MARCHF1: variants seen among roughly 807,000 people sequenced by gnomAD.
MARCHF1 encodes membrane associated ring-CH-type finger 1.
MARCHF1 carries 40 observed loss-of-function variants against 54.2 expected under a neutral mutation model. The observed-to-expected ratio is 0.74, with a 90% CI of 0.57 to 0.96. The LOEUF (loss-of-function observed/expected upper bound fraction) is 0.96. MARCHF1 is among the 40% of genes least tolerant of loss of function. The probability of loss-of-function intolerance (pLI) is 0.00; values close to 1 mark genes in which losing one functional copy is unlikely to be tolerated. For synonymous variants in MARCHF1, 236 were observed against 236.3 expected (o/e 1.00, Z 0.01); for missense variants, 586 against 656.5 (o/e 0.89, Z 1.17).
chr4:164,297,225 GA>G (rs2111383711), intron 1 of MARCHF1, among the ~76,000 whole-genome samples: 1 of 152,222 alleles, frequency 6.6e-6, no homozygotes, highest in Admixed American at 6.5e-5. Flanking sequence ...AATGGAGATG[GA>G]GCCTCGAATG....
intron 8 of MARCHF1, among the ~76,000 whole-genome samples, chr4:163,562,874 T>A (rs896896180): frequency 6.6e-6 from 1 of 152,202 alleles, no homozygotes; most frequent in African/African-American, 2.4e-5. Flanking sequence ...AACCACTTTC[T>A]CCAGCGCATC....
intron 1 of MARCHF1, among the ~76,000 whole-genome samples, chr4:164,158,193 A>G (rs1273813267): frequency 4.6e-5 from 7 of 152,194 alleles, no homozygotes; most frequent in Admixed American, 4.6e-4. Flanking sequence ...TAATTAGCTA[A>G]AAAAGACTCT....
chr4:164,166,316 T>C (rs1303960690), intron 1 of MARCHF1, among the ~76,000 whole-genome samples: 1 of 151,962 alleles, frequency 6.6e-6, no homozygotes, highest in African/African-American at 2.4e-5. Context: ...TCCATCAAAG[T>C]CCAAATGAAG....
At chr4:163,571,618 T>A (rs192228784) in intron 8 of MARCHF1, among the ~76,000 whole-genome samples, 14 of 152,258 alleles carry the variant, frequency 9.2e-5, no homozygotes, top group Admixed American at 8.5e-4. Context: ...TGTTTATTGA[T>A]AAAAATACTC....
At chr4:163,602,083 T>A (rs563992830) in intron 7 of MARCHF1, among the ~76,000 whole-genome samples, 3 of 152,180 alleles carry the variant, frequency 2.0e-5, no homozygotes, top group South Asian at 4.1e-4. Context: ...TACAATTTTT[T>A]AAAATTATTT....
At position 163,724,391 on chromosome 4, in the gene MARCHF1, C is replaced by T. The variant is rs191964848; in HGVS notation, c.112-23528G>A. Among the ~76,000 whole-genome samples, 499 of 152,292 alleles carry T rather than the reference C, an allele frequency of 3.3e-3. 4 individuals are homozygous for T. The highest frequency in any genetic ancestry group is 0.012 in the African/African-American group (483 of 41,560). On this transcript the variant is annotated intron_variant, in intron 4 of 9. Coordinates refer to ENST00000514618, the MANE Select transcript of MARCHF1 (RefSeq NM_001394959.1). ...GGAAGCTTCGTCTCAGAGGGGGACCCGGCTGTGTGAGGTGTCAGTCTGCCC... is the reference window on the plus strand; with the variant it reads ...GGAAGCTTCGTCTCAGAGGGGGACCTGGCTGTGTGAGGTGTCAGTCTGCCC...
intron 1 of MARCHF1, among the ~76,000 whole-genome samples, chr4:164,257,049 T>C (rs1329325706): frequency 6.6e-6 from 1 of 152,172 alleles, no homozygotes; most frequent in African/African-American, 2.4e-5. Context: ...TCCATAAGCA[T>C]GGAATTTATC....
intron 1 of MARCHF1, among the ~76,000 whole-genome samples, chr4:164,177,730 A>G (rs903499954): frequency 6.6e-6 from 1 of 152,070 alleles, no homozygotes; most frequent in Non-Finnish European, 1.5e-5. Flanking sequence ...ATTTCAGGTA[A>G]AATGCCATGC....
chr4:164,056,205 A>G (rs1010407621), intron 2 of MARCHF1, among the ~76,000 whole-genome samples: 3 of 152,090 alleles, frequency 2.0e-5, no homozygotes, highest in African/African-American at 7.2e-5. Context: ...TATTTGTCAA[A>G]AGGCTCCCTC....
intron 2 of MARCHF1, among the ~76,000 whole-genome samples, chr4:164,044,909 G>A (rs1481301529): frequency 1.3e-5 from 2 of 151,982 alleles, no homozygotes; most frequent in Non-Finnish European, 2.9e-5. Context: ...AAGTAGATAG[G>A]TGATGTAACT....
intron 4 of MARCHF1, among the ~76,000 whole-genome samples, chr4:163,779,456 A>G (rs1747401342): frequency 6.7e-6 from 1 of 149,862 alleles, no homozygotes; most frequent in Non-Finnish European, 1.5e-5. Flanking sequence ...CATAAGGAGG[A>G]TTGAAATTTT....
At chr4:164,148,517 C>T (rs1729835992) in intron 1 of MARCHF1, among the ~76,000 whole-genome samples, 1 of 151,904 alleles carries the variant, frequency 6.6e-6, no homozygotes, top group South Asian at 2.1e-4. Flanking sequence ...TTTGCTTTCC[C>T]TATGTTTTCA....
chr4:163,546,273 C>T (rs116675940), intron 8 of MARCHF1, among the ~76,000 whole-genome samples: 149 of 152,194 alleles, frequency 9.8e-4, no homozygotes, highest in African/African-American at 3.3e-3. Flanking sequence ...CCCCTGTGCC[C>T]GGCCTAACTC....
At chr4:163,969,784 G>A (rs1052222816) in intron 3 of MARCHF1, among the ~76,000 whole-genome samples, 1 of 152,108 alleles carries the variant, frequency 6.6e-6, no homozygotes, top group Non-Finnish European at 1.5e-5. Context: ...GTAGAAATTT[G>A]AAATGGTATA....
At chr4:163,974,841 T>C (rs1014851695) in intron 3 of MARCHF1, among the ~76,000 whole-genome samples, 2 of 152,068 alleles carry the variant, frequency 1.3e-5, no homozygotes, top group East Asian at 1.9e-4. Context: ...TGTGAGGAAG[T>C]TTCTAAATGA....
intron 1 of MARCHF1, among the ~76,000 whole-genome samples, chr4:164,173,997 A>AT (rs763089360): frequency 6.6e-6 from 1 of 152,240 alleles, no homozygotes; most frequent in Admixed American, 6.5e-5. Context: ...ACAAAAGGTA[A>AT]TTACTCTGTA....
chr4:163,964,078 G>A (rs765211974), intron 3 of MARCHF1, among the ~76,000 whole-genome samples: 14 of 151,912 alleles, frequency 9.2e-5, no homozygotes, highest in Non-Finnish European at 2.1e-4. Flanking sequence ...AGCTCGAACA[G>A]GGTAATAACC....
intron 1 of MARCHF1, among the ~76,000 whole-genome samples, chr4:164,150,442 G>A (rs1247314791): frequency 3.9e-5 from 6 of 152,088 alleles, no homozygotes; most frequent in Non-Finnish European, 8.8e-5. Flanking sequence ...AACAAGCAAC[G>A]TCATTGGTTT....
chr4:163,551,723 T>A (rs1296645161), intron 8 of MARCHF1, among the ~76,000 whole-genome samples: 1 of 152,202 alleles, frequency 6.6e-6, no homozygotes, highest in Non-Finnish European at 1.5e-5. Flanking sequence ...GATAATTGAA[T>A]CATCAGGATG....
Sources: allele counts gnomAD v4.1 joint callset (sites outside exome capture counted in the v4.1 genomes callset), GRCh38; gene constraint gnomAD v4.1.1; transcripts MANE v1.5; gene names NCBI Gene and HGNC (gene_info 2026-07-23, HGNC 2026-07-21).